MOB1B: variants seen among roughly 807,000 people sequenced by gnomAD.
MOB1B encodes the protein MOB1 Mps One Binder homolog B.
In MOB1B, 19 loss-of-function variants were observed where a neutral mutation model predicts 24.4. That is an observed-to-expected ratio of 0.78 (90% confidence interval 0.54 to 1.14). The LOEUF (loss-of-function observed/expected upper bound fraction) is 1.14, where lower values mean the gene tolerates loss of function less well. MOB1B is among the 50% of genes most tolerant of loss of function. The pLI is 0.00. For synonymous variants in MOB1B, 76 were observed against 82.1 expected (o/e 0.93, Z 0.40); for missense variants, 243 against 259.6 (o/e 0.94, Z 0.44).
intron 1 of MOB1B, among the ~76,000 whole-genome samples, chr4:70,950,330 G>T (rs891810111): frequency 1.3e-5 from 2 of 151,564 alleles, no homozygotes; most frequent in African/African-American, 4.9e-5. Context: ...CAGCTACTCA[G>T]GAGGCTGAGG....
At chr4:70,945,496 C>G (rs957680244) in intron 1 of MOB1B, among the ~76,000 whole-genome samples, 4 of 152,198 alleles carry the variant, frequency 2.6e-5, no homozygotes, top group Non-Finnish European at 5.9e-5. Flanking sequence ...TGCATGCATA[C>G]TCTGTACTAT....
intron 1 of MOB1B, among the ~76,000 whole-genome samples, chr4:70,906,860 G>A (rs920215430): frequency 2.0e-5 from 3 of 152,286 alleles, no homozygotes; most frequent in Middle Eastern, 3.4e-3. Context: ...TGTGCCAGGC[G>A]TAGAGGAAGA....
intron 1 of MOB1B, among the ~76,000 whole-genome samples, chr4:70,958,069 T>C (rs1366454473): frequency 6.6e-6 from 1 of 152,144 alleles, no homozygotes; most frequent in Non-Finnish European, 1.5e-5. Context: ...GCCACACGAA[T>C]GTCTAGCTAC....
intron 3 of MOB1B, 139 bp downstream of exon 3, chr4:70,970,163 T>G: frequency 3.5e-6 from 2 of 573,796 alleles, no homozygotes; most frequent in South Asian, 5.2e-5. Context: ...TCTAGATTCC[T>G]TAGCTTGGGG....
intron 1 of MOB1B, among the ~76,000 whole-genome samples, chr4:70,904,021 A>C (rs2148863342): frequency 9.0e-6 from 1 of 110,834 alleles, no homozygotes. Flanking sequence ...CCGCTCTGTC[A>C]CCAGGCTGGA....
chr4:70,915,077 T>G (rs566671796), intron 1 of MOB1B, among the ~76,000 whole-genome samples: 44 of 152,380 alleles, frequency 2.9e-4, no homozygotes, highest in East Asian at 1.9e-4. Flanking sequence ...CTTCGGTTAT[T>G]ATCATTATCT....
chr4:70,939,764 A>G (rs1004367040), intron 1 of MOB1B, among the ~76,000 whole-genome samples: 2 of 152,206 alleles, frequency 1.3e-5, no homozygotes, highest in Non-Finnish European at 2.9e-5. Flanking sequence ...TAGTTTACCC[A>G]TCAGCTCATT....
At chr4:70,916,559 C>T (rs1381800132) in intron 1 of MOB1B, among the ~76,000 whole-genome samples, 1 of 152,124 alleles carries the variant, frequency 6.6e-6, no homozygotes, top group Non-Finnish European at 1.5e-5. Flanking sequence ...TTGTTAATCC[C>T]CTGCCACTGA....
chr4:70,941,280 T>C (rs1441909642), intron 1 of MOB1B, among the ~76,000 whole-genome samples: 1 of 151,774 alleles, frequency 6.6e-6, no homozygotes, highest in Non-Finnish European at 1.5e-5. Context: ...AGTACTATAC[T>C]CTAATTTCTG....
At chr4:70,915,088 T>G (rs892647940) in intron 1 of MOB1B, among the ~76,000 whole-genome samples, 5 of 152,242 alleles carry the variant, frequency 3.3e-5, no homozygotes, top group African/African-American at 1.2e-4. Context: ...ATCATTATCT[T>G]AACAATGATG....
chr4:70,906,606 C>G (rs1485995615), intron 1 of MOB1B, among the ~76,000 whole-genome samples: 2 of 152,006 alleles, frequency 1.3e-5, no homozygotes, highest in African/African-American at 4.8e-5. Context: ...TAGGATAATC[C>G]CCAGAGTGGG....
Position 70,987,338 on chromosome 4 carries a change from A to G in MOB1B, c.*5281A>G, listed in dbSNP as rs1739413804. 1 of 151,928 alleles carries G rather than the reference A, an allele frequency of 6.6e-6. No homozygotes were observed. Among genetic ancestry groups the G allele is most frequent in the South Asian group, 2.1e-4 (1 of 4,828 alleles). The allele number at this position is 151,928 out of a possible 1,614,324, so 9.4% of individuals were successfully genotyped here. Reference sequence around the variant, plus strand: ...TAAATTCATGTTCTCATCTGATTTAATATTAAATTTGTATAGGTGGGCGTT... The same window carrying G: ...TAAATTCATGTTCTCATCTGATTTAGTATTAAATTTGTATAGGTGGGCGTT... On this transcript the variant is annotated 3_prime_UTR_variant, in exon 6 of 6. Coordinates refer to ENST00000309395, the MANE Select transcript of MOB1B (RefSeq NM_173468.4).
intron 1 of MOB1B, among the ~76,000 whole-genome samples, chr4:70,905,007 C>T (rs1456942100): frequency 6.6e-6 from 1 of 152,066 alleles, no homozygotes; most frequent in African/African-American, 2.4e-5. Context: ...ATTTGGGGCA[C>T]AATTTTTCAG....
At chr4:70,972,256 C>T (rs936777210) in intron 3 of MOB1B, among the ~76,000 whole-genome samples, 3 of 151,912 alleles carry the variant, frequency 2.0e-5, no homozygotes, top group Admixed American at 1.3e-4. Flanking sequence ...CTCTGTTGCC[C>T]AGGCTAGAGT....
intron 2 of MOB1B, among the ~76,000 whole-genome samples, chr4:70,967,092 A>G (rs1738562689): frequency 6.6e-6 from 1 of 152,134 alleles, no homozygotes; most frequent in Non-Finnish European, 1.5e-5. Flanking sequence ...TTCTTAATTT[A>G]GGAAAGAGTC....
At chr4:70,933,853 T>C (rs1736978485) in intron 1 of MOB1B, among the ~76,000 whole-genome samples, 1 of 151,896 alleles carries the variant, frequency 6.6e-6, no homozygotes, top group Non-Finnish European at 1.5e-5. Flanking sequence ...CCTGGCCAAT[T>C]ATTGAATCCT....
chr4:70,905,626 C>T (rs1398130356), intron 1 of MOB1B, among the ~76,000 whole-genome samples: 3 of 152,066 alleles, frequency 2.0e-5, no homozygotes, highest in Non-Finnish European at 2.9e-5. Flanking sequence ...ATTTTCCTCC[C>T]GTTCTTGGAA....
intron 1 of MOB1B, among the ~76,000 whole-genome samples, chr4:70,921,073 G>T (rs528230875): frequency 6.6e-5 from 10 of 152,218 alleles, no homozygotes; most frequent in African/African-American, 2.4e-4. Flanking sequence ...CACAAGCAAA[G>T]CCAGAGGAGA....
intron 1 of MOB1B, 81 bp downstream of exon 1, chr4:70,902,631 C>T (rs1735560572): frequency 7.4e-7 from 1 of 1,358,942 alleles, no homozygotes; most frequent in Non-Finnish European, 9.8e-7. Context: ...CCGTCGCCCG[C>T]CCTCGTCCCG....
Sources: gnomAD v4.1 joint callset for allele counts (sites outside exome capture counted in the v4.1 genomes callset) on GRCh38, gnomAD v4.1.1 for gene constraint, MANE v1.5 for transcripts, NCBI Gene and HGNC (gene_info 2026-07-23, HGNC 2026-07-21) for gene names.